Variants in PALM2AKAP2 observed in about 807,000 individuals in gnomAD.
PALM2AKAP2 encodes PALM2-AKAP2 fusion protein.
PALM2AKAP2 carries 37 observed loss-of-function variants against 71.5 expected under a neutral mutation model. The ratio of observed to expected loss-of-function variants is 0.52; its 90% CI spans 0.40 to 0.68. PALM2AKAP2 has a LOEUF of 0.68. PALM2AKAP2 is among the 30% of genes least tolerant of loss of function. PALM2AKAP2 has a pLI of 0.00. For synonymous variants in PALM2AKAP2, 468 were observed against 478.8 expected (o/e 0.98, Z 0.29); for missense variants, 1,224 against 1,191.8 (o/e 1.03, Z -0.40).
intron 2 of PALM2AKAP2, among the ~76,000 whole-genome samples, chr9:110,149,098 G>A (rs1423421065): frequency 6.6e-6 from 1 of 152,210 alleles, no homozygotes; most frequent in Non-Finnish European, 1.5e-5. Flanking sequence ...CAGAAGCACA[G>A]CCAAGGCATG....
intron 3 of PALM2AKAP2, among the ~76,000 whole-genome samples, chr9:109,905,502 A>C (rs1480579561): frequency 6.6e-6 from 1 of 152,244 alleles, no homozygotes; most frequent in African/African-American, 2.4e-5. Flanking sequence ...GAATGCAACG[A>C]CTGTGCCCGT....
chr9:109,795,330 AT>A (rs1827222743), intron 1 of PALM2AKAP2, among the ~76,000 whole-genome samples: 3 of 152,178 alleles, frequency 2.0e-5, no homozygotes, highest in Non-Finnish European at 4.4e-5. Context: ...ACCATTAGGG[AT>A]TTATCCCTTT....
At chr9:110,158,155 GC>G (rs1836504675) in intron 3 of PALM2AKAP2, among the ~76,000 whole-genome samples, 1 of 152,214 alleles carries the variant, frequency 6.6e-6, no homozygotes, top group Admixed American at 6.5e-5. Flanking sequence ...TTTTTCCCTG[GC>G]TACTCAGTCA....
intron 1 of PALM2AKAP2, among the ~76,000 whole-genome samples, chr9:110,132,967 A>G (rs1489615247): frequency 6.6e-6 from 1 of 152,234 alleles, no homozygotes; most frequent in Non-Finnish European, 1.5e-5. Flanking sequence ...AGACATAACT[A>G]CTTGTAAAAT....
chr9:109,758,680 C>G (rs996450888), intron 1 of PALM2AKAP2, among the ~76,000 whole-genome samples: 1 of 152,014 alleles, frequency 6.6e-6, no homozygotes, highest in Non-Finnish European at 1.5e-5. Flanking sequence ...TATAAGTGAC[C>G]TAATCATCCA....
At chr9:109,961,044 G>T (rs897409564) in intron 6 of PALM2AKAP2, among the ~76,000 whole-genome samples, 34 of 152,318 alleles carry the variant, frequency 2.2e-4, no homozygotes, top group African/African-American at 7.9e-4. Context: ...TGTTCAGGTT[G>T]CATACTGCAC....
intron 1 of PALM2AKAP2, among the ~76,000 whole-genome samples, chr9:109,713,344 C>T (rs1828268978): frequency 6.6e-6 from 1 of 152,114 alleles, no homozygotes; most frequent in African/African-American, 2.4e-5. Context: ...AAGTCAGTGT[C>T]TCCTAAAGTG....
At chr9:110,063,130 C>T (rs1366776415) in intron 1 of PALM2AKAP2, among the ~76,000 whole-genome samples, 1 of 152,190 alleles carries the variant, frequency 6.6e-6, no homozygotes, top group African/African-American at 2.4e-5. Context: ...AAACTGTGTG[C>T]TTCTCAATAT....
At position 109,867,626 on chromosome 9, in the gene PALM2AKAP2, C is replaced by T. The variant is rs116162992; in HGVS notation, c.126+55C>T. ...ATTATTAGACATGCAGATCACACTCCGGAGAGCTGGGCAGTGCCTGCCCTG... is the reference window on the plus strand; with the variant it reads ...ATTATTAGACATGCAGATCACACTCTGGAGAGCTGGGCAGTGCCTGCCCTG... On this transcript the variant is annotated intron_variant, in intron 2 of 9. Coordinates refer to the PALM2AKAP2 transcript ENST00000302798. 9.7e-4 allele frequency: 1,520 copies of T among 1,563,468 alleles called. 14 individuals carry two copies. The African/African-American group carries it at 0.017, about 18-fold the overall frequency.
chr9:109,788,204 G>T (rs79513168), intron 1 of PALM2AKAP2, among the ~76,000 whole-genome samples: 2,366 of 152,188 alleles, frequency 0.016, 66 homozygotes, highest in African/African-American at 0.054. Context: ...TATTAGAAAA[G>T]AATCTTTAAG....
chr9:110,045,682 C>T (rs576029049), upstream of PALM2AKAP2, among the ~76,000 whole-genome samples: 1 of 152,288 alleles, frequency 6.6e-6, no homozygotes, highest in African/African-American at 2.4e-5. Context: ...ATTCTCCTGC[C>T]TCAGCCTCCT....
intron 3 of PALM2AKAP2, among the ~76,000 whole-genome samples, chr9:109,916,937 G>A (rs1021863030): frequency 1.3e-5 from 2 of 152,222 alleles, no homozygotes; most frequent in African/African-American, 2.4e-5. Flanking sequence ...CACAGGCTAA[G>A]CCTCAGAACC....
chr9:110,009,713 C>CAAA lies in PALM2AKAP2; in HGVS notation c.497-6224_497-6222dup, dbSNP rs535271745. ...TGGGCAACAAAGTGAGACTCTGTCT[C>CAAA]AAAAAAAAAAAAAAAAAAAGATGCA... On this transcript the variant is annotated intron_variant, in intron 6 of 9. Transcript: ENST00000302798. Among the ~76,000 whole-genome samples, 310 of 71,894 alleles carry CAAA rather than the reference C, an allele frequency of 4.3e-3. 1 individual carries two copies. The highest frequency in any genetic ancestry group is 0.013 in the African/African-American group (302 of 23,176). The allele number at this position is 71,894 out of a possible 152,430, so 47.2% of individuals were successfully genotyped here.
At chr9:109,666,233 C>T (rs1416862708) in intron 1 of PALM2AKAP2, among the ~76,000 whole-genome samples, 1 of 152,180 alleles carries the variant, frequency 6.6e-6, no homozygotes, top group Non-Finnish European at 1.5e-5. Flanking sequence ...AACCAGGTAC[C>T]TCAGTTGGAA....
intron 3 of PALM2AKAP2, among the ~76,000 whole-genome samples, chr9:109,897,346 C>A (rs982897884): frequency 6.6e-6 from 1 of 152,158 alleles, no homozygotes; most frequent in Non-Finnish European, 1.5e-5. Flanking sequence ...CTTTGGGAGG[C>A]TGAGGCAGGT....
At chr9:109,727,732 C>T (rs10980017) in intron 1 of PALM2AKAP2, among the ~76,000 whole-genome samples, 5 of 152,238 alleles carry the variant, frequency 3.3e-5, no homozygotes, top group East Asian at 1.9e-4. Flanking sequence ...TTTCATGCAC[C>T]GTAGTTAATG....
At chr9:109,710,163 C>T (rs1027452792) in intron 1 of PALM2AKAP2, among the ~76,000 whole-genome samples, 4 of 152,168 alleles carry the variant, frequency 2.6e-5, no homozygotes, top group African/African-American at 9.7e-5. Context: ...ATAGAAGGAC[C>T]CAATCGTGCC....
intron 1 of PALM2AKAP2, among the ~76,000 whole-genome samples, chr9:109,769,950 G>T (rs921439399): frequency 3.3e-5 from 5 of 152,128 alleles, no homozygotes; most frequent in Non-Finnish European, 7.4e-5. Flanking sequence ...AGAACTAAAG[G>T]CTGGGTAGAC....
chr9:110,010,139 T>G (rs1224547662), intron 6 of PALM2AKAP2, among the ~76,000 whole-genome samples: 1 of 152,204 alleles, frequency 6.6e-6, no homozygotes, highest in African/African-American at 2.4e-5. Flanking sequence ...TGATGGATAT[T>G]TATAAACATA....
Sources: gnomAD v4.1 joint callset for allele counts (sites outside exome capture counted in the v4.1 genomes callset) on GRCh38, gnomAD v4.1.1 for gene constraint, MANE v1.5 for transcripts, NCBI Gene and HGNC (gene_info 2026-07-23, HGNC 2026-07-21) for gene names.